Variants in ZNF426 observed in about 807,000 individuals in gnomAD.
The protein encoded by ZNF426 is CTC-543D15.7.
In ZNF426, 23 loss-of-function variants were observed where a neutral mutation model predicts 24.0. The ratio of observed to expected loss-of-function variants is 0.96; its 90% CI spans 0.69 to 1.36. ZNF426 has a LOEUF of 1.36. Ranked by LOEUF, ZNF426 falls within the 40% of genes most tolerant of loss-of-function variation. The pLI, the probability that ZNF426 is intolerant of heterozygous loss-of-function variation, is 0.00. For synonymous variants in ZNF426, 272 were observed against 224.6 expected (o/e 1.21, Z -1.89); for missense variants, 646 against 658.4 (o/e 0.98, Z 0.21).
At chr19:9,535,430 G>T (rs539192295) in intron 3 of ZNF426, 151 bp from the exon 4 acceptor site, 17 of 562,630 alleles carry the variant, frequency 3.0e-5, no homozygotes, top group African/African-American at 2.9e-4. Flanking sequence ...GCTCACATCT[G>T]TAATCCTAGT....
At position 9,529,175 on chromosome 19, in the gene ZNF426, T is replaced by C; in HGVS notation, c.870A>G (p.Arg290=). 3.1e-6 allele frequency: 5 copies of C among 1,614,224 alleles called. No individual in the cohort carries two copies. The highest frequency in any genetic ancestry group is 4.2e-6 in the Non-Finnish European group (5 of 1,180,040). ...YKCKECGKGY[R]YPAYLSIHMR... ...TGTGAATACTGAGGTAGGCTGGGTA[T>C]CTATAGCCTTTTCCACATTCCTTAC... is the stretch of plus-strand genomic sequence containing the variant. Residue 290 remains arginine (R), a synonymous_variant, in exon 8 of 8, where the codon AGA becomes AGG. Coordinates refer to ENST00000253115, the MANE Select transcript of ZNF426 (RefSeq NM_024106.3).
chr19:9,530,240 C>T (rs921352457), intron 7 of ZNF426, among the ~76,000 whole-genome samples: 6 of 151,924 alleles, frequency 3.9e-5, no homozygotes, highest in African/African-American at 1.5e-4. Flanking sequence ...ATCATTTGAA[C>T]CCAGGAATTA....
In ZNF426 at chr19:9,524,781, C is replaced by CAAAAAAAAAAA. The variant is rs71185607; in HGVS notation, c.*3588_*3598dup. The CAAAAAAAAAAA allele has an allele frequency of 1.3e-5, 1 of 75,558 alleles. No homozygotes were observed. Among genetic ancestry groups the CAAAAAAAAAAA allele is most frequent in the African/African-American group, 3.6e-5 (1 of 27,418 alleles). 4.7% of individuals were successfully genotyped at this position (75,558 alleles called of 1,614,324 possible). A position where few individuals can be genotyped will look rare whatever the true frequency, so the allele number is the denominator to read the frequency against. The stretch of plus-strand genomic sequence containing the variant: ...GGGCAACAAGAGCAAAACTCTGCCT[C>CAAAAAAAAAAA]AAAAAAAAAAAAAAAAAAAAAAAAA... On this transcript the variant is annotated 3_prime_UTR_variant, in exon 8 of 8. Coordinates refer to ENST00000253115, the MANE Select transcript of ZNF426 (RefSeq NM_024106.3).
At chr19:9,537,592 C>CTT (rs568689139) in intron 2 of ZNF426, among the ~76,000 whole-genome samples, 4 of 142,844 alleles carry the variant, frequency 2.8e-5, no homozygotes, top group African/African-American at 5.1e-5. Context: ...ACCCAGCCAG[C>CTT]TTTTTTTTTT....
At chr19:9,531,244 G>A (rs1030284723) in intron 6 of ZNF426, among the ~76,000 whole-genome samples, 177 bp from the exon 7 acceptor site, 1 of 152,156 alleles carries the variant, frequency 6.6e-6, no homozygotes, top group Non-Finnish European at 1.5e-5. Flanking sequence ...AGCTAGCTGG[G>A]TGTGGTGGTG....
chr19:9,531,026 G>C lies in ZNF426; in HGVS notation c.367C>G (p.Gln123Glu), dbSNP rs2073875476. The C allele has an allele frequency of 6.2e-7, 1 of 1,613,956 alleles. No individual in the cohort carries two copies. The highest frequency in any genetic ancestry group is 1.3e-5 in the African/African-American group (1 of 74,898). ...RLETQWSILQ[Q>E]DFLRGQTSIG... Reference sequence around the variant, plus strand: ...GATGTCTGACCCCTCAAAAAGTCCTGCTGAAGTATAGACCACTGGGTTTCA... The same window carrying C: ...GATGTCTGACCCCTCAAAAAGTCCTCCTGAAGTATAGACCACTGGGTTTCA... The change falls in exon 7 of 8, where the codon CAG becomes GAG. Residue 123 changes from glutamine (Q) to glutamate (E), a missense_variant. Gln to Glu is a conservative substitution (Grantham distance 29). Transcript: ENST00000253115.
chr19:9,536,217 A>G lies in ZNF426; in HGVS notation c.16T>C (p.Leu6=), dbSNP rs1192114848. ...GAGCAACAGAGCTTACCATGGGACA[A>G]ATCAGCAGCTGCCATCCCGCGAGGT... The part of the protein sequence containing the change: MAAAD[L]SHGHYLSGDP... Residue 6 remains leucine (L), a synonymous_variant, in exon 3 of 8, where the codon TTG becomes CTG. Transcript: ENST00000253115. The G allele has an allele frequency of 6.2e-7, 1 of 1,614,194 alleles. No homozygotes were observed. The highest frequency in any genetic ancestry group is 1.3e-5 in the African/African-American group (1 of 75,030).
rs1231934289 is a variant in ZNF426 at position 9,526,702 on chromosome 19, C to T, written c.*1678G>A. 3 of 151,650 alleles carry T rather than the reference C, an allele frequency of 2.0e-5. No individual in the cohort carries two copies. Among genetic ancestry groups the T allele is most frequent in the Admixed American group, 6.6e-5 (1 of 15,202 alleles). 9.4% of individuals were successfully genotyped at this position (151,650 alleles called of 1,614,324 possible). A position where few individuals can be genotyped will look rare whatever the true frequency, so the allele number is the denominator to read the frequency against. ...CAATGACAGAATTTCTCAAAATTAA[C>T]TCAGACACCAAAACGCAAATCCAGG... On this transcript the variant is annotated 3_prime_UTR_variant, in exon 8 of 8. Coordinates refer to ENST00000253115, the MANE Select transcript of ZNF426 (RefSeq NM_024106.3).
chr19:9,536,129 A>C (rs990133066), intron 3 of ZNF426, 79 bp downstream of exon 3: 2 of 1,588,436 alleles, frequency 1.3e-6, no homozygotes, highest in African/African-American at 2.7e-5. Flanking sequence ...CAACATGACC[A>C]GCTGCCCAAA....
chr19:9,536,411 A>C, intron 2 of ZNF426, 55 bp from the exon 3 acceptor site: 2 of 1,485,536 alleles, frequency 1.3e-6, no homozygotes, highest in South Asian at 1.3e-5. Context: ...GCCATCAAAC[A>C]TATACACCGG....
intron 7 of ZNF426, among the ~76,000 whole-genome samples, chr19:9,530,613 T>G (rs1332713258): frequency 6.6e-6 from 1 of 150,580 alleles, no homozygotes; most frequent in Non-Finnish European, 1.5e-5. Flanking sequence ...TTTTGAAGAA[T>G]TAGCTGGGTG....
At position 9,529,201 on chromosome 19, in the gene ZNF426, A is replaced by C; in HGVS notation, c.844T>G (p.Cys282Gly). ...ETLNAKKPYK[C>G]KECGKGYRYP... ...CTATAGCCTTTTCCACATTCCTTACATTTGTAGGGCTTTTTTGCATTGAGG... is the reference window on the plus strand; with the variant it reads ...CTATAGCCTTTTCCACATTCCTTACCTTTGTAGGGCTTTTTTGCATTGAGG... Residue 282 changes from cysteine (C) to glycine (G), a missense_variant, in exon 8 of 8, where the codon TGT (cysteine) becomes GGT (glycine). Coordinates refer to ENST00000253115, the MANE Select transcript of ZNF426 (RefSeq NM_024106.3). The C allele has an allele frequency of 6.2e-7, 1 of 1,614,132 alleles. No homozygotes were observed. The highest frequency in any genetic ancestry group is 8.5e-7 in the Non-Finnish European group (1 of 1,180,024).
Position 9,528,786 on chromosome 19 carries a change from C to T in ZNF426, c.1259G>A (p.Cys420Tyr), listed in dbSNP as rs779005151. The change falls in exon 8 of 8, where the codon TGT becomes TAT. Residue 420 changes from cysteine to tyrosine, a missense_variant. Cys to Tyr is a radical substitution (Grantham distance 194). Transcript: ENST00000253115. ...HLRTHTEEKA[C>Y]ECKICGKVFG... is the part of the protein sequence containing the mutation. ...TACTTTCCCACATATCTTACACTCA[C>T]AGGCCTTCTCTTCAGTGTGAGTTCT... 2 of 1,613,940 alleles carry T rather than the reference C, an allele frequency of 1.2e-6. No individual in the cohort carries two copies. Among genetic ancestry groups the T allele is most frequent in the African/African-American group, 2.7e-5 (2 of 74,876 alleles).
At position 9,529,170 on chromosome 19, in the gene ZNF426, G is replaced by A; in HGVS notation, c.875C>T (p.Pro292Leu). 1 of 1,614,216 alleles carries A rather than the reference G, an allele frequency of 6.2e-7. No homozygotes were observed. The highest frequency in any genetic ancestry group is 8.5e-7 in the Non-Finnish European group (1 of 1,180,040). ...TCGCATGTGAATACTGAGGTAGGCT[G>A]GGTATCTATAGCCTTTTCCACATTC... is the stretch of plus-strand genomic sequence containing the variant. ...CKECGKGYRY[P>L]AYLSIHMRTH... The change falls in exon 8 of 8, where the codon CCA becomes CTA. Residue 292 changes from proline (P) to leucine (L), a missense_variant. Transcript: ENST00000253115.
At chr19:9,537,448 ACT>A (rs1231879435) in intron 2 of ZNF426, among the ~76,000 whole-genome samples, 112 of 116,084 alleles carry the variant, frequency 9.6e-4, no homozygotes, top group African/African-American at 2.9e-3. Flanking sequence ...AGAATATTTA[ACT>A]CTTTTTTTTT....
intron 6 of ZNF426, among the ~76,000 whole-genome samples, chr19:9,532,627 G>C (rs552526461): frequency 6.6e-6 from 1 of 152,068 alleles, no homozygotes; most frequent in Non-Finnish European, 1.5e-5. Context: ...TTGGACCATG[G>C]TTGAATGCAG....
At chr19:9,537,448 ACTCTTTT>A (rs1355330845) in intron 2 of ZNF426, among the ~76,000 whole-genome samples, 5 of 116,038 alleles carry the variant, frequency 4.3e-5, no homozygotes, top group African/African-American at 1.5e-4. Flanking sequence ...AGAATATTTA[ACTCTTTT>A]TTTTTTTTTT....
chr19:9,532,822 A>G (rs768419980), intron 6 of ZNF426, 23 bp downstream of exon 6: 1 of 1,578,792 alleles, frequency 6.3e-7, no homozygotes, highest in South Asian at 1.1e-5. Flanking sequence ...CATCAACCAG[A>G]GTTGTTCTTC....
At position 9,528,614 on chromosome 19, in the gene ZNF426, C is replaced by A; in HGVS notation, c.1431G>T (p.Glu477Asp). ...TGAAGGCCTTTCCACATTGTTTACA[C>A]TCATAGGGTTTTTCTCCAGTGTGGA... ...MRIHTGEKPY[E>D]CKQCGKAFSH... Residue 477 changes from glutamate to aspartate, a missense_variant, in exon 8 of 8, where the codon GAG becomes GAT. Physicochemically the swap from Glu to Asp is conservative, Grantham distance 45. Transcript: ENST00000253115. 6.2e-7 allele frequency: 1 copy of A among 1,613,548 alleles called. No homozygotes were observed. Among genetic ancestry groups the A allele is most frequent in the South Asian group, 1.1e-5 (1 of 91,048 alleles).
Sources: allele counts gnomAD v4.1 joint callset (sites outside exome capture counted in the v4.1 genomes callset), GRCh38; gene constraint gnomAD v4.1.1; transcripts MANE v1.5; gene names NCBI Gene and HGNC (gene_info 2026-07-23, HGNC 2026-07-21).